FBXL20: variants seen among roughly 807,000 people sequenced by gnomAD.
FBXL20 encodes the protein F-box and leucine rich repeat protein 20, also known as F-box/LRR-repeat protein 20.
In FBXL20, 11 loss-of-function variants were observed where a neutral mutation model predicts 64.0. The observed-to-expected ratio is 0.17, with a 90% CI of 0.11 to 0.28. FBXL20 has a LOEUF of 0.28. FBXL20 is among the 10% of genes least tolerant of loss of function. The pLI is 1.00. For missense variants in FBXL20, 303 were observed against 526.2 expected (o/e 0.58, Z 4.15); for synonymous variants, 184 against 189.0 (o/e 0.97, Z 0.22).
chr17:39,369,058 T>C (rs2047889454), intron 1 of FBXL20, among the ~76,000 whole-genome samples: 1 of 152,140 alleles, frequency 6.6e-6, no homozygotes, highest in African/African-American at 2.4e-5. Flanking sequence ...TTTGTTCCCT[T>C]ATTATCATTT....
chr17:39,349,798 T>G (rs751412534), intron 1 of FBXL20, among the ~76,000 whole-genome samples: 1 of 151,934 alleles, frequency 6.6e-6, no homozygotes, highest in Non-Finnish European at 1.5e-5. Flanking sequence ...TAGCCGGGCA[T>G]GGTGGCTAGC....
At chr17:39,376,556 T>C (rs12946620) in intron 1 of FBXL20, among the ~76,000 whole-genome samples, 2 of 152,170 alleles carry the variant, frequency 1.3e-5, no homozygotes, top group South Asian at 2.1e-4. Context: ...TCTTGAGAAT[T>C]TGCAGAAGTA....
rs768069800 is a variant in FBXL20, at chr17:39,303,656, GA to G, written c.105-18del. The G allele has an allele frequency of 2.0e-4, 313 of 1,599,902 alleles. No individual in the cohort carries two copies. Among genetic ancestry groups the G allele is most frequent in the Middle Eastern group, 5.0e-4 (3 of 6,022 alleles). ...GAAAATATCCTAAAAAGAAAAGAGA[GA>G]AAGACAAATTTTATTGTATGATAAA... On this transcript the variant is annotated intron_variant, in intron 2 of 14. Transcript: ENST00000264658.
chr17:39,383,820 G>A (rs989044315), intron 1 of FBXL20, among the ~76,000 whole-genome samples: 1 of 151,844 alleles, frequency 6.6e-6, no homozygotes, highest in East Asian at 2.0e-4. Context: ...GAACTCCTGA[G>A]CTCAGGCAAT....
At chr17:39,312,884 A>G (rs559205879) in intron 2 of FBXL20, among the ~76,000 whole-genome samples, 31 of 102,348 alleles carry the variant, frequency 3.0e-4, no homozygotes, top group African/African-American at 1.2e-3. Context: ...CCTAAATTCT[A>G]TTTATTCCAT....
intron 2 of FBXL20, among the ~76,000 whole-genome samples, chr17:39,314,772 T>C (rs111404542): frequency 0.011 from 1,600 of 151,248 alleles, 27 homozygotes; most frequent in African/African-American, 0.037. Flanking sequence ...TTTGTGAGGG[T>C]TTTAATTTCT....
intron 1 of FBXL20, among the ~76,000 whole-genome samples, chr17:39,371,792 C>G (rs1038515839): frequency 2.6e-5 from 4 of 152,024 alleles, no homozygotes; most frequent in African/African-American, 9.7e-5. Flanking sequence ...TCCCAAGTAG[C>G]TGGGATTAAA....
rs1325835670 is a variant in FBXL20, at chr17:39,363,845, AC to A, written c.43-20605del. Among the ~76,000 whole-genome samples, 660 of 145,100 alleles carry A rather than the reference AC, an allele frequency of 4.5e-3. 30 individuals are homozygous for A. The East Asian group carries it at 0.075, about 16-fold the overall frequency. On this transcript the variant is annotated intron_variant, in intron 1 of 14. Transcript: ENST00000264658. ...AAAAAAACAAAAAACAAAAAAAAAA[AC>A]AATAAAAAGTAAGTAATGAAACCCA...
intron 10 of FBXL20, among the ~76,000 whole-genome samples, chr17:39,272,953 G>T (rs796855872): frequency 3.2e-4 from 49 of 152,214 alleles, no homozygotes; most frequent in African/African-American, 1.1e-3. Flanking sequence ...AGCTCTTGAG[G>T]AATATTTTAG....
At chr17:39,280,078 CA>C (rs1304944233) in intron 9 of FBXL20, among the ~76,000 whole-genome samples, 4 of 151,676 alleles carry the variant, frequency 2.6e-5, no homozygotes. Context: ...ACTAAAAATA[CA>C]AAAAAATCAG....
At chr17:39,350,976 C>A (rs1401720033) in intron 1 of FBXL20, among the ~76,000 whole-genome samples, 1 of 152,016 alleles carries the variant, frequency 6.6e-6, no homozygotes, top group Non-Finnish European at 1.5e-5. Flanking sequence ...GATTCAGGAT[C>A]TCAGGAAAAA....
intron 1 of FBXL20, among the ~76,000 whole-genome samples, chr17:39,398,818 G>A (rs1201319449): frequency 6.6e-6 from 1 of 152,036 alleles, no homozygotes; most frequent in African/African-American, 2.4e-5. Context: ...GGAATTACAG[G>A]TGCCCACTAC....
At chr17:39,378,464 C>T (rs903748418) in intron 1 of FBXL20, among the ~76,000 whole-genome samples, 3 of 151,980 alleles carry the variant, frequency 2.0e-5, no homozygotes, top group Non-Finnish European at 4.4e-5. Context: ...AAAAACTAAA[C>T]GGGCAAAGGA....
intron 1 of FBXL20, among the ~76,000 whole-genome samples, chr17:39,344,034 T>C (rs2047608310): frequency 6.6e-6 from 1 of 152,108 alleles, no homozygotes; most frequent in Non-Finnish European, 1.5e-5. Flanking sequence ...CAGCTAATTT[T>C]TGTATTTTTA....
rs547654305 is a variant in FBXL20, at chr17:39,392,029, C to T, written c.42+9332G>A. Among the ~76,000 whole-genome samples the T allele has an allele frequency of 1.4e-4, 21 of 152,014 alleles. No individual in the cohort carries two copies. In the South Asian group the frequency reaches 4.4e-3, roughly 32 times the overall value. ...ATGGTGGTGCAGTAATCCCAGCTAT[C>T]GGGAGGCTGAGGCAGGAGAATCGCA... On this transcript the variant is annotated intron_variant, in intron 1 of 14. Transcript: ENST00000264658.
chr17:39,337,961 G>A (rs1240126458), intron 2 of FBXL20, among the ~76,000 whole-genome samples: 2 of 151,562 alleles, frequency 1.3e-5, no homozygotes, highest in Non-Finnish European at 2.9e-5. Flanking sequence ...CGGGAGGTGA[G>A]GGGCGCCTCT....
intron 2 of FBXL20, among the ~76,000 whole-genome samples, chr17:39,333,210 G>A (rs2047480662): frequency 6.6e-6 from 1 of 152,180 alleles, no homozygotes; most frequent in Non-Finnish European, 1.5e-5. Context: ...AGGCTGGACT[G>A]TACTGCCGCC....
chr17:39,279,296 T>A (rs2046927607), intron 9 of FBXL20, among the ~76,000 whole-genome samples: 1 of 150,150 alleles, frequency 6.7e-6, no homozygotes, highest in Non-Finnish European at 1.5e-5. Context: ...CCCAGACATT[T>A]GAGACCAGCC....
At chr17:39,329,898 A>C (rs534019041) in intron 2 of FBXL20, among the ~76,000 whole-genome samples, 3 of 152,224 alleles carry the variant, frequency 2.0e-5, no homozygotes, top group Admixed American at 2.0e-4. Context: ...CTAGGCTGGA[A>C]TGGGAGAATT....
Sources: allele counts gnomAD v4.1 joint callset (sites outside exome capture counted in the v4.1 genomes callset), GRCh38; gene constraint gnomAD v4.1.1; transcripts MANE v1.5; gene names NCBI Gene and HGNC (gene_info 2026-07-23, HGNC 2026-07-21).